The following SEMA3C variants were observed in gnomAD, a reference collection of about 807,000 sequenced individuals.
SEMA3C encodes the protein semaphorin-3C.
SEMA3C carries 47 observed loss-of-function variants against 89.4 expected under a neutral mutation model. The observed-to-expected ratio is 0.53, with a 90% confidence interval of 0.42 to 0.67. The LOEUF is 0.67. Ranked by LOEUF, SEMA3C falls within the 30% of genes least tolerant of loss-of-function variation. The pLI, the probability that SEMA3C is intolerant of heterozygous loss-of-function variation, is 0.00. For synonymous variants in SEMA3C, 310 were observed against 320.2 expected (o/e 0.97, Z 0.34); for missense variants, 839 against 929.1 (o/e 0.90, Z 1.26).
intron 12 of SEMA3C, among the ~76,000 whole-genome samples, chr7:80,785,201 G>A (rs935242086): frequency 9.2e-5 from 14 of 152,076 alleles, no homozygotes; most frequent in Admixed American, 3.3e-4. Context: ...TACCAGGCAC[G>A]GAGCCCACAC....
At chr7:80,770,115 G>C (rs1452668790) in intron 12 of SEMA3C, among the ~76,000 whole-genome samples, 2 of 152,162 alleles carry the variant, frequency 1.3e-5, no homozygotes, top group African/African-American at 2.4e-5. Flanking sequence ...AAAGTACTGA[G>C]TGAGTTGGGC....
At chr7:80,902,375 T>C (rs1791902548) in intron 2 of SEMA3C, among the ~76,000 whole-genome samples, 1 of 152,224 alleles carries the variant, frequency 6.6e-6, no homozygotes, top group Admixed American at 6.5e-5. Flanking sequence ...CCATAAGACT[T>C]CTTATTTCTA....
intron 2 of SEMA3C, among the ~76,000 whole-genome samples, chr7:80,900,816 T>C (rs1271410285): frequency 1.3e-5 from 2 of 152,226 alleles, no homozygotes; most frequent in Non-Finnish European, 2.9e-5. Context: ...GACTAGTTTA[T>C]TGTACAACAC....
At chr7:80,797,517 G>C (rs1247435010) in intron 11 of SEMA3C, among the ~76,000 whole-genome samples, 1 of 151,980 alleles carries the variant, frequency 6.6e-6, no homozygotes, top group African/African-American at 2.4e-5. Context: ...TCTAATCTGT[G>C]TTACTTCAGT....
intron 4 of SEMA3C, among the ~76,000 whole-genome samples, chr7:80,822,324 G>A (rs1397535169): frequency 1.3e-5 from 2 of 151,212 alleles, no homozygotes; most frequent in Non-Finnish European, 2.9e-5. Flanking sequence ...GCTGAGTCTT[G>A]CAGAATAATT....
At chr7:80,895,267 A>G (rs1005397639) in intron 2 of SEMA3C, among the ~76,000 whole-genome samples, 1 of 152,194 alleles carries the variant, frequency 6.6e-6, no homozygotes, top group African/African-American at 2.4e-5. Flanking sequence ...TGTGGTCATG[A>G]ATAAGAGGAA....
At chr7:80,774,489 C>G (rs1477192269) in intron 12 of SEMA3C, among the ~76,000 whole-genome samples, 2 of 151,922 alleles carry the variant, frequency 1.3e-5, no homozygotes, top group Admixed American at 1.3e-4. Flanking sequence ...AACAAATTAA[C>G]AGACAGGAAA....
chr7:80,751,564 T>C (rs1787936641), intron 15 of SEMA3C, among the ~76,000 whole-genome samples: 2 of 152,220 alleles, frequency 1.3e-5, no homozygotes, highest in Admixed American at 6.5e-5. Flanking sequence ...TTTTCCCATC[T>C]ACCATTCATG....
At chr7:80,864,938 T>C (rs952102398) in intron 2 of SEMA3C, among the ~76,000 whole-genome samples, 2 of 152,186 alleles carry the variant, frequency 1.3e-5, no homozygotes, top group Non-Finnish European at 2.9e-5. Context: ...TTTCACTTCC[T>C]CTCATTGTTT....
rs774700388 is a variant in SEMA3C, at chr7:80,765,193, T to C, written c.1405A>G (p.Ser469Gly). 10 of 1,613,728 alleles carry C rather than the reference T, an allele frequency of 6.2e-6. No homozygotes were observed. The highest frequency in any genetic ancestry group is 8.5e-6 in the Non-Finnish European group (10 of 1,179,904). ...AGCTCCTCCAGAATGAGCTCGCCAC[T>C]GACAGAGTTGTTAGTAGGAAGAACA... Reference protein sequence around the residue: ...VVVLPTNNSVSGELILEELEV... With the variant: ...VVVLPTNNSVGGELILEELEV... The change falls in exon 13 of 18, where the codon AGT (serine) becomes GGT (glycine). Residue 469 changes from serine to glycine, a missense_variant. Transcript: ENST00000265361.
At chr7:80,815,488 A>G (rs1789579853) in intron 5 of SEMA3C, among the ~76,000 whole-genome samples, 1 of 150,946 alleles carries the variant, frequency 6.6e-6, no homozygotes, top group South Asian at 2.1e-4. Flanking sequence ...AAAATTAGAA[A>G]AAAGAAGTCA....
intron 2 of SEMA3C, among the ~76,000 whole-genome samples, chr7:80,849,258 A>G (rs1050568890): frequency 4.6e-5 from 7 of 152,148 alleles, no homozygotes; most frequent in Admixed American, 4.6e-4. Flanking sequence ...ACAGCTTTCC[A>G]CCTACAATTT....
At chr7:80,751,246 T>C in intron 16 of SEMA3C, 23 bp downstream of exon 16, 2 of 1,592,462 alleles carry the variant, frequency 1.3e-6, no homozygotes, top group South Asian at 1.1e-5. Flanking sequence ...TCACTGAGAT[T>C]GGCCATTGCT....
At chr7:80,771,442 A>C (rs1788430523) in intron 12 of SEMA3C, among the ~76,000 whole-genome samples, 1 of 152,254 alleles carries the variant, frequency 6.6e-6, no homozygotes, top group Non-Finnish European at 1.5e-5. Flanking sequence ...TAAATCATTA[A>C]AGAAAATTTC....
At chr7:80,863,826 A>ATATATATATATCACATATCACATATG (rs1790842839) in intron 2 of SEMA3C, among the ~76,000 whole-genome samples, 2 of 113,590 alleles carry the variant, frequency 1.8e-5, no homozygotes, top group East Asian at 5.9e-4. Context: ...TATATATGTG[A>ATATATATATATCACATATCACATATG]TATGTGATAT....
At chr7:80,762,177 G>A (rs888308227) in intron 13 of SEMA3C, among the ~76,000 whole-genome samples, 1 of 150,974 alleles carries the variant, frequency 6.6e-6, no homozygotes, top group Non-Finnish European at 1.5e-5. Context: ...AATCTGAGAA[G>A]GAAATTTTTG....
chr7:80,794,961 C>T (rs1225546868), intron 11 of SEMA3C, among the ~76,000 whole-genome samples: 1 of 152,138 alleles, frequency 6.6e-6, no homozygotes, highest in East Asian at 1.9e-4. Flanking sequence ...GAAGCACCTA[C>T]AGGGAACATT....
intron 2 of SEMA3C, among the ~76,000 whole-genome samples, chr7:80,896,639 T>C (rs1791744507): frequency 6.6e-6 from 1 of 152,176 alleles, no homozygotes; most frequent in Non-Finnish European, 1.5e-5. Context: ...TTAGCTCTAA[T>C]AGTTAACAGG....
At chr7:80,823,774 T>C (rs1484011814) in intron 4 of SEMA3C, among the ~76,000 whole-genome samples, 1 of 152,152 alleles carries the variant, frequency 6.6e-6, no homozygotes, top group East Asian at 1.9e-4. Flanking sequence ...TCTCCTATAG[T>C]ATTTACATAG....
Sources: gnomAD v4.1 joint callset for allele counts (sites outside exome capture counted in the v4.1 genomes callset) on GRCh38, gnomAD v4.1.1 for gene constraint, MANE v1.5 for transcripts, NCBI Gene and HGNC (gene_info 2026-07-23, HGNC 2026-07-21) for gene names.